MSI2: variants seen among roughly 807,000 people sequenced by gnomAD.
MSI2 encodes musashi RNA binding protein 2.
Under a neutral mutation model 45.6 loss-of-function variants are expected in MSI2, and 17 were observed. The ratio of observed to expected loss-of-function variants is 0.37; its 90% confidence interval spans 0.26 to 0.56. The LOEUF is 0.56. Ranked by LOEUF, MSI2 falls within the 20% of genes least tolerant of loss-of-function variation. MSI2 has a pLI of 0.77. For synonymous variants in MSI2, 156 were observed against 158.2 expected, an observed-to-expected ratio of 0.99 and a Z score of 0.11; for missense variants, 293 against 444.2, an observed-to-expected ratio of 0.66 and a Z score of 3.06.
intron 7 of MSI2, among the ~76,000 whole-genome samples, chr17:57,539,751 G>A (rs1423358517): frequency 3.3e-5 from 5 of 151,910 alleles, no homozygotes; most frequent in Non-Finnish European, 7.4e-5. Flanking sequence ...CTGAAAAGAA[G>A]CCTGGTTTGC....
chr17:57,505,647 G>A (rs1567864605), intron 6 of MSI2, among the ~76,000 whole-genome samples: 1 of 152,130 alleles, frequency 6.6e-6, no homozygotes, highest in Non-Finnish European at 1.5e-5. Context: ...TGCCAGGGGA[G>A]TAAAAACCAA....
At chr17:57,339,198 G>A (rs1173216499) in intron 5 of MSI2, among the ~76,000 whole-genome samples, 1 of 152,156 alleles carries the variant, frequency 6.6e-6, no homozygotes, top group African/African-American at 2.4e-5. Flanking sequence ...AGCAGCCCGC[G>A]AGGCACCACC....
chr17:57,387,284 A>G (rs759706561), intron 5 of MSI2, among the ~76,000 whole-genome samples: 4 of 152,282 alleles, frequency 2.6e-5, no homozygotes, highest in Non-Finnish European at 5.9e-5. Flanking sequence ...TGGCGGACTG[A>G]GTTCTGTTTG....
intron 5 of MSI2, among the ~76,000 whole-genome samples, chr17:57,397,466 G>A (rs2083911927): frequency 6.6e-6 from 1 of 152,226 alleles, no homozygotes; most frequent in Admixed American, 6.5e-5. Flanking sequence ...TAGAAACCTT[G>A]CATAGTATTG....
intron 5 of MSI2, among the ~76,000 whole-genome samples, chr17:57,367,866 G>A (rs1303362132): frequency 6.6e-6 from 1 of 152,124 alleles, no homozygotes; most frequent in Non-Finnish European, 1.5e-5. Flanking sequence ...CAGCTGTGTG[G>A]CATCCTGGAG....
At chr17:57,343,128 G>A (rs540576301) in intron 5 of MSI2, among the ~76,000 whole-genome samples, 7 of 152,132 alleles carry the variant, frequency 4.6e-5, no homozygotes, top group Non-Finnish European at 1.0e-4. Flanking sequence ...CTGTCTGTAC[G>A]TTTGTTTGTT....
chr17:57,396,358 T>A (rs566128362), intron 5 of MSI2, among the ~76,000 whole-genome samples: 4 of 151,404 alleles, frequency 2.6e-5, no homozygotes, highest in South Asian at 2.1e-4. Flanking sequence ...TTTTCTAACC[T>A]CCCCTTACCC....
intron 5 of MSI2, among the ~76,000 whole-genome samples, chr17:57,322,945 G>A (rs1163431714): frequency 6.6e-6 from 1 of 151,918 alleles, no homozygotes; most frequent in Non-Finnish European, 1.5e-5. Flanking sequence ...TGTTGTGTTG[G>A]TGAGAAACAG....
chr17:57,551,629 C>T (rs959473843), intron 7 of MSI2, among the ~76,000 whole-genome samples: 4 of 152,118 alleles, frequency 2.6e-5, no homozygotes, highest in African/African-American at 4.8e-5. Flanking sequence ...CCTCTTCCTG[C>T]ACTGCCATGC....
At chr17:57,512,967 C>CTT (rs2086387567) in intron 6 of MSI2, among the ~76,000 whole-genome samples, 1 of 28,468 alleles carries the variant, frequency 3.5e-5, no homozygotes, top group Admixed American at 4.0e-4. Context: ...TTAGCTTCTT[C>CTT]CTTTTTTTTT....
chr17:57,474,688 A>G (rs539785633), intron 6 of MSI2, among the ~76,000 whole-genome samples: 5 of 143,180 alleles, frequency 3.5e-5, no homozygotes, highest in African/African-American at 1.3e-4. Flanking sequence ...GACTTTGTGT[A>G]CTGTTTTTTT....
chr17:57,289,199 C>T (rs528046895), intron 5 of MSI2, among the ~76,000 whole-genome samples: 6 of 152,306 alleles, frequency 3.9e-5, no homozygotes, highest in African/African-American at 7.2e-5. Context: ...TTGATTTCCA[C>T]GGCTCCTGCT....
intron 5 of MSI2, among the ~76,000 whole-genome samples, chr17:57,272,157 G>A (rs1326040827): frequency 2.6e-5 from 4 of 152,184 alleles, no homozygotes; most frequent in Admixed American, 1.3e-4. Context: ...GCATGCACAC[G>A]TTGTGTTTCC....
chr17:57,283,020 G>A (rs1202350803), intron 5 of MSI2, among the ~76,000 whole-genome samples: 2 of 152,140 alleles, frequency 1.3e-5, no homozygotes, highest in East Asian at 3.9e-4. Context: ...CGGCTGTGAC[G>A]AGAGTTGTAT....
At chr17:57,695,175 G>A in the MSI2 span, among the ~76,000 whole-genome samples, 2 of 152,204 alleles carry the variant, frequency 1.3e-5, no homozygotes, top group East Asian at 3.8e-4. Flanking sequence ...AGTTAATAGT[G>A]TGGGAACTAT....
chr17:57,478,625 C>T (rs756234579), intron 6 of MSI2, among the ~76,000 whole-genome samples: 5 of 152,136 alleles, frequency 3.3e-5, no homozygotes. Flanking sequence ...TCATGTTGAG[C>T]CAGAGATATG....
At chr17:57,451,080 A>G (rs1188200525) in intron 6 of MSI2, among the ~76,000 whole-genome samples, 2 of 152,014 alleles carry the variant, frequency 1.3e-5, no homozygotes, top group African/African-American at 2.4e-5. Flanking sequence ...GAGTAGATGG[A>G]TAGTTGGAGG....
intron 7 of MSI2, among the ~76,000 whole-genome samples, chr17:57,536,038 A>G (rs2086913173): frequency 6.6e-6 from 1 of 152,152 alleles, no homozygotes; most frequent in South Asian, 2.1e-4. Context: ...TGTACGATGT[A>G]TAAAGATGCC....
At chr17:57,503,472 G>A (rs929345727) in intron 6 of MSI2, among the ~76,000 whole-genome samples, 1 of 152,182 alleles carries the variant, frequency 6.6e-6, no homozygotes, top group Non-Finnish European at 1.5e-5. Context: ...TATGACACAT[G>A]TATTAAAAAA....
Sources: allele counts gnomAD v4.1 joint callset (sites outside exome capture counted in the v4.1 genomes callset), GRCh38; gene constraint gnomAD v4.1.1; transcripts MANE v1.5; gene names NCBI Gene and HGNC (gene_info 2026-07-23, HGNC 2026-07-21).